Variants in GRID1 observed in about 807,000 individuals in gnomAD.
GRID1 encodes glutamate ionotropic receptor delta type subunit 1.
Under a neutral mutation model 98.0 loss-of-function variants are expected in GRID1, and 28 were observed. The observed-to-expected ratio is 0.29, with a 90% CI of 0.21 to 0.39. The LOEUF (loss-of-function observed/expected upper bound fraction) is 0.39, where lower values mean the gene tolerates loss of function less well. GRID1 is among the 10% of genes least tolerant of loss of function. The pLI, the probability that GRID1 is intolerant of heterozygous loss-of-function variation, is 1.00. For missense variants in GRID1, 1,111 were observed against 1,340.5 expected (o/e 0.83, Z 2.67); for synonymous variants, 553 against 538.5 (o/e 1.03, Z -0.37).
intron 5 of GRID1, among the ~76,000 whole-genome samples, chr10:85,898,861 A>G (rs185437596): frequency 6.6e-6 from 1 of 152,244 alleles, no homozygotes; most frequent in East Asian, 1.9e-4. Flanking sequence ...AAAAAATACC[A>G]TAGTAAATAT....
At chr10:85,939,101 C>A (rs1207521319) in intron 4 of GRID1, among the ~76,000 whole-genome samples, 1 of 152,162 alleles carries the variant, frequency 6.6e-6, no homozygotes, top group Non-Finnish European at 1.5e-5. Context: ...TCCCAGGCCG[C>A]CTGGTGCCTG....
intron 4 of GRID1, among the ~76,000 whole-genome samples, chr10:85,949,306 A>G (rs1842089503): frequency 2.6e-5 from 4 of 152,202 alleles, no homozygotes; most frequent in Admixed American, 2.6e-4. Flanking sequence ...TGGTAACTGC[A>G]TATTTTTGGG....
At chr10:85,696,822 TTAGA>T (rs1392070126) in intron 12 of GRID1, among the ~76,000 whole-genome samples, 1 of 152,042 alleles carries the variant, frequency 6.6e-6, no homozygotes, top group East Asian at 1.9e-4. Context: ...TTTAGCTGTA[TTAGA>T]TAAACATTTA....
chr10:86,168,283 T>C (rs1289993569), intron 3 of GRID1, among the ~76,000 whole-genome samples: 2 of 152,270 alleles, frequency 1.3e-5, no homozygotes, highest in Admixed American at 6.5e-5. Context: ...TGAGCCTCAG[T>C]TTCTACTGAA....
chr10:86,255,779 G>A (rs1172750449), intron 2 of GRID1, among the ~76,000 whole-genome samples: 1 of 152,164 alleles, frequency 6.6e-6, no homozygotes, highest in Non-Finnish European at 1.5e-5. Flanking sequence ...CACTTGTGCT[G>A]GGCTGAGTCG....
intron 4 of GRID1, among the ~76,000 whole-genome samples, chr10:85,970,765 G>T (rs1207251016): frequency 6.6e-6 from 1 of 151,972 alleles, no homozygotes; most frequent in Non-Finnish European, 1.5e-5. Flanking sequence ...CTAAGACAAG[G>T]AACAAGACAA....
chr10:85,880,301 T>C (rs1195214287), intron 5 of GRID1, among the ~76,000 whole-genome samples: 16 of 152,138 alleles, frequency 1.1e-4, no homozygotes, highest in Admixed American at 6.5e-4. Context: ...ATACCAAAGC[T>C]GGGCAGAGAC....
intron 8 of GRID1, among the ~76,000 whole-genome samples, chr10:85,831,561 T>C (rs976974845): frequency 6.6e-6 from 1 of 152,140 alleles, no homozygotes; most frequent in Non-Finnish European, 1.5e-5. Flanking sequence ...ATGGTGGTCA[T>C]ATAGTAAGCC....
At chr10:85,633,374 A>G (rs1842996513) in intron 13 of GRID1, among the ~76,000 whole-genome samples, 1 of 152,238 alleles carries the variant, frequency 6.6e-6, no homozygotes, top group Admixed American at 6.5e-5. Context: ...TTTCAGACCC[A>G]AATCACATTC....
chr10:85,788,417 T>C (rs1436580468), intron 8 of GRID1, among the ~76,000 whole-genome samples: 1 of 152,154 alleles, frequency 6.6e-6, no homozygotes, highest in Non-Finnish European at 1.5e-5. Context: ...TTGTCTCCCC[T>C]AAAGAGTGGG....
chr10:85,688,538 C>T (rs1841294910), intron 12 of GRID1, among the ~76,000 whole-genome samples: 1 of 152,094 alleles, frequency 6.6e-6, no homozygotes, highest in African/African-American at 2.4e-5. Context: ...TTTAAACACC[C>T]CCCAAAGCAG....
intron 2 of GRID1, among the ~76,000 whole-genome samples, chr10:86,294,473 G>A (rs1194225737): frequency 6.6e-6 from 1 of 152,220 alleles, no homozygotes; most frequent in Non-Finnish European, 1.5e-5. Flanking sequence ...CCAGGGGAGA[G>A]ACGATGGTGG....
intron 4 of GRID1, among the ~76,000 whole-genome samples, chr10:85,949,126 G>A (rs11592365): frequency 0.018 from 2,757 of 152,270 alleles, 38 homozygotes; most frequent in Non-Finnish European, 0.029. Context: ...TGTGGGGTGC[G>A]GGAGGGGAAG....
At chr10:85,736,042 G>C (rs1841878169) in intron 8 of GRID1, among the ~76,000 whole-genome samples, 1 of 140,080 alleles carries the variant, frequency 7.1e-6, no homozygotes, top group Non-Finnish European at 1.6e-5. Context: ...AAGTAGGGAG[G>C]GAGAAAGGAA....
chr10:86,347,439 A>G (rs2114828), intron 2 of GRID1, among the ~76,000 whole-genome samples: 37,428 of 152,142 alleles, frequency 0.25, 6,455 homozygotes, highest in East Asian at 0.5. Flanking sequence ...CTTGGGCACC[A>G]GGATTGATTC....
chr10:86,149,655 C>G (rs926326413), intron 3 of GRID1, among the ~76,000 whole-genome samples: 2 of 152,176 alleles, frequency 1.3e-5, no homozygotes, highest in Non-Finnish European at 2.9e-5. Context: ...AAAAACACAC[C>G]ACGCTGCATT....
At chr10:85,973,533 T>C (rs985123517) in intron 4 of GRID1, among the ~76,000 whole-genome samples, 2 of 152,170 alleles carry the variant, frequency 1.3e-5, no homozygotes, top group Non-Finnish European at 2.9e-5. Flanking sequence ...TGTACCAGTG[T>C]TTCTCAGATT....
intron 2 of GRID1, among the ~76,000 whole-genome samples, chr10:86,322,394 T>TTTGTTG (rs879420646): frequency 7.2e-5 from 11 of 151,934 alleles, no homozygotes; most frequent in African/African-American, 2.4e-4. Context: ...AGAATTATGT[T>TTTGTTG]TTGTTGTTGT....
At chr10:86,041,781 A>G (rs1843349039) in intron 4 of GRID1, among the ~76,000 whole-genome samples, 1 of 152,222 alleles carries the variant, frequency 6.6e-6, no homozygotes, top group African/African-American at 2.4e-5. Flanking sequence ...CCCCAAGATT[A>G]TCAGCTTTGT....
Sources: gnomAD v4.1 joint callset for allele counts (sites outside exome capture counted in the v4.1 genomes callset) on GRCh38, gnomAD v4.1.1 for gene constraint, MANE v1.5 for transcripts, NCBI Gene and HGNC (gene_info 2026-07-23, HGNC 2026-07-21) for gene names.